DNAH3: variants seen among roughly 807,000 people sequenced by gnomAD.
DNAH3 encodes the protein dynein axonemal heavy chain 3.
In DNAH3, 332 loss-of-function variants were observed where a neutral mutation model predicts 432.5. That is an observed-to-expected ratio of 0.77 (90% CI 0.70 to 0.84). The LOEUF (loss-of-function observed/expected upper bound fraction) is 0.84, where lower values mean the gene tolerates loss of function less well. Ranked by LOEUF, DNAH3 falls within the 40% of genes least tolerant of loss-of-function variation. The pLI, the probability that DNAH3 is intolerant of heterozygous loss-of-function variation, is 0.00. For missense variants in DNAH3, 4,861 were observed against 5,114.0 expected, an observed-to-expected ratio of 0.95 and a Z score of 1.51; for synonymous variants, 1,956 against 1,900.2, an observed-to-expected ratio of 1.03 and a Z score of -0.76.
intron 44 of DNAH3, among the ~76,000 whole-genome samples, chr16:20,989,783 C>A (rs1370732147): frequency 6.6e-6 from 1 of 152,258 alleles, no homozygotes; most frequent in Non-Finnish European, 1.5e-5. Flanking sequence ...CCAAGCCCTG[C>A]CCCGCGGCAA....
chr16:21,089,575 C>T (rs1039779423), intron 18 of DNAH3, among the ~76,000 whole-genome samples: 8 of 151,994 alleles, frequency 5.3e-5, no homozygotes, highest in East Asian at 1.9e-4. Context: ...AGAAAATCTC[C>T]GGTGACTAGA....
intron 47 of DNAH3, 60 bp downstream of exon 47, chr16:20,987,245 T>C: frequency 6.3e-7 from 1 of 1,592,076 alleles, no homozygotes; most frequent in African/African-American, 1.3e-5. Context: ...AATCTGAAAG[T>C]AACGTGGTTA....
intron 27 of DNAH3, among the ~76,000 whole-genome samples, chr16:21,056,323 C>T (rs2090130441): frequency 6.6e-6 from 1 of 151,988 alleles, no homozygotes; most frequent in Admixed American, 6.6e-5. Flanking sequence ...GGAAATCTTC[C>T]CCAATCCTAA....
chr16:20,964,634 G>C, exon 53 of DNAH3: 1 of 1,614,100 alleles, frequency 6.2e-7, no homozygotes, highest in Non-Finnish European at 8.5e-7. Flanking sequence ...TGCCCGTGAG[G>C]GTCAATCATT....
chr16:20,969,330 G>C (rs11864627), intron 52 of DNAH3, among the ~76,000 whole-genome samples: 3,898 of 152,204 alleles, frequency 0.026, 183 homozygotes, highest in African/African-American at 0.089. Flanking sequence ...GCGTGTATAG[G>C]TGTCTGGGTC....
At chr16:21,005,948 T>C (rs9930730) in intron 41 of DNAH3, among the ~76,000 whole-genome samples, 31,222 of 151,920 alleles carry the variant, frequency 0.21, 3,520 homozygotes, top group South Asian at 0.29. Context: ...GGTCAATTAT[T>C]ATGTATCAGT....
chr16:21,000,426 C>T, exon 43 of DNAH3: 2 of 1,614,060 alleles, frequency 1.2e-6, no homozygotes, highest in Non-Finnish European at 1.7e-6. Flanking sequence ...CTGTGGGACC[C>T]ACGAACAGCA....
chr16:20,950,234 G>C (rs555276853), intron 56 of DNAH3, among the ~76,000 whole-genome samples: 52 of 152,228 alleles, frequency 3.4e-4, no homozygotes, highest in African/African-American at 1.2e-3. Context: ...CTTTGTTTTA[G>C]GGAACACTCT....
intron 7 of DNAH3, among the ~76,000 whole-genome samples, chr16:21,133,037 T>A (rs948325842): frequency 2.0e-5 from 3 of 151,962 alleles, no homozygotes; most frequent in Non-Finnish European, 4.4e-5. Flanking sequence ...GCCAGCCCTG[T>A]ACTGGCACTG....
chr16:20,970,278 A>T (rs2085278844), intron 51 of DNAH3, among the ~76,000 whole-genome samples: 1 of 152,190 alleles, frequency 6.6e-6, no homozygotes, highest in Non-Finnish European at 1.5e-5. Flanking sequence ...TAATCCCAGC[A>T]CTTTGGGAGG....
chr16:21,022,183 C>A, intron 39 of DNAH3, 83 bp from the exon 40 acceptor site: 6 of 1,459,082 alleles, frequency 4.1e-6, no homozygotes, highest in Non-Finnish European at 5.7e-6. Context: ...CCTTGTGAGG[C>A]TAGAGATGCT....
At chr16:21,095,796 G>A (rs1473533065) in intron 18 of DNAH3, among the ~76,000 whole-genome samples, 8 of 151,942 alleles carry the variant, frequency 5.3e-5, no homozygotes, top group African/African-American at 1.2e-4. Flanking sequence ...ACAGGGTCTC[G>A]CTCTGTCTCC....
intron 1 of DNAH3, among the ~76,000 whole-genome samples, chr16:21,147,221 T>C (rs184602028): frequency 6.5e-4 from 98 of 151,008 alleles, no homozygotes; most frequent in African/African-American, 2.4e-3. Flanking sequence ...CATTGACTCT[T>C]GCATTTTTTT....
chr16:20,947,857 A>AC (rs2084120618), intron 57 of DNAH3, among the ~76,000 whole-genome samples: 2 of 151,196 alleles, frequency 1.3e-5, no homozygotes, highest in Non-Finnish European at 3.0e-5. Context: ...GCTCACCACA[A>AC]CCTCCACCTC....
At chr16:20,988,510 G>A (rs144990716) in intron 44 of DNAH3, among the ~76,000 whole-genome samples, 3 of 152,182 alleles carry the variant, frequency 2.0e-5, no homozygotes, top group Non-Finnish European at 4.4e-5. Context: ...CGCCTCCCGG[G>A]CTCAAGAGAT....
exon 14 of DNAH3, chr16:21,111,653 A>T (rs1329001685): frequency 6.2e-7 from 1 of 1,613,324 alleles, no homozygotes; most frequent in African/African-American, 1.3e-5. Context: ...GTTTACATCC[A>T]CTTGGAATTG....
chr16:20,988,762 CG>C (rs1567594194), intron 44 of DNAH3, among the ~76,000 whole-genome samples: 1 of 152,242 alleles, frequency 6.6e-6, no homozygotes, highest in African/African-American at 2.4e-5. Flanking sequence ...CGACCCCTCG[CG>C]GTGAGTGTTA....
intron 51 of DNAH3, among the ~76,000 whole-genome samples, chr16:20,971,331 G>A (rs1293862251): frequency 6.6e-6 from 1 of 151,974 alleles, no homozygotes; most frequent in Non-Finnish European, 1.5e-5. Flanking sequence ...CATTCCTACT[G>A]TGCATTCGGT....
intron 55 of DNAH3, among the ~76,000 whole-genome samples, chr16:20,953,134 CTTTTGTTTGTTTTGTTT>C (rs1294731900): frequency 1.3e-5 from 2 of 151,090 alleles, no homozygotes; most frequent in Non-Finnish European, 3.0e-5. Flanking sequence ...GTTTGTTTTG[CTTTTGTTTGTTTTGTTT>C]TTTTGTTTGT....
Sources: allele counts gnomAD v4.1 joint callset (sites outside exome capture counted in the v4.1 genomes callset), GRCh38; gene constraint gnomAD v4.1.1; transcripts MANE v1.5; gene names NCBI Gene and HGNC (gene_info 2026-07-23, HGNC 2026-07-21).